The following DBT variants were observed in gnomAD, a reference collection of about 807,000 sequenced individuals.
DBT encodes the protein lipoamide acyltransferase component of branched-chain alpha-keto acid dehydrogenase complex, mitochondrial.
In DBT, 40 loss-of-function variants were observed where a neutral mutation model predicts 51.3. The ratio of observed to expected loss-of-function variants is 0.78; its 90% confidence interval spans 0.61 to 1.02. The LOEUF is 1.02. Among genes scored for constraint, DBT ranks in the 50% least tolerant of loss-of-function variants. The pLI is 0.00. For missense variants in DBT, 510 were observed against 580.2 expected (o/e 0.88, Z 1.24); for synonymous variants, 181 against 190.4 (o/e 0.95, Z 0.41).
intron 10 of DBT, among the ~76,000 whole-genome samples, chr1:100,201,260 C>T (rs1184575896): frequency 3.3e-5 from 5 of 151,752 alleles, no homozygotes; most frequent in Non-Finnish European, 5.9e-5. Context: ...GAAGCATACA[C>T]AAGTATCAAT....
chr1:100,219,716 T>C (rs1401584743), intron 4 of DBT, among the ~76,000 whole-genome samples: 1 of 151,892 alleles, frequency 6.6e-6, no homozygotes, highest in African/African-American at 2.4e-5. Flanking sequence ...GCCACGGCAC[T>C]CTAGGTTGGG....
chr1:100,202,621 T>C (rs962175903), intron 10 of DBT, among the ~76,000 whole-genome samples: 1 of 152,162 alleles, frequency 6.6e-6, no homozygotes, highest in African/African-American at 2.4e-5. Context: ...ATCAACAGAA[T>C]ATACATTCTT....
At chr1:100,217,954 T>A (rs1404027810) in intron 5 of DBT, among the ~76,000 whole-genome samples, 1 of 152,098 alleles carries the variant, frequency 6.6e-6, no homozygotes, top group East Asian at 1.9e-4. Context: ...ACTAGTTACT[T>A]AAACCCTCCA....
intron 10 of DBT, among the ~76,000 whole-genome samples, chr1:100,197,229 T>C (rs769178226): frequency 6.6e-6 from 1 of 152,230 alleles, no homozygotes; most frequent in Non-Finnish European, 1.5e-5. Context: ...ATGGCTGGGA[T>C]ACAACAGTCA....
rs1663542794 is a variant in DBT at position 100,231,246 on chromosome 1, T to C, written c.252-332A>G. On this transcript the variant is annotated intron_variant, in intron 3 of 10. Coordinates refer to ENST00000370132, the MANE Select transcript of DBT (RefSeq NM_001918.5). ...AGTGGTATTTCCTTCTATTGTCTTA[T>C]ATTACCCTTTTCCAAACTTTAAGGG... 5.9e-5 allele frequency among the ~76,000 whole-genome samples: 9 copies of C among 152,362 alleles called. No individual in the cohort carries two copies. The South Asian group carries it at 1.9e-3, about 32-fold the overall frequency.
intron 10 of DBT, among the ~76,000 whole-genome samples, chr1:100,203,909 T>C (rs915667321): frequency 6.6e-6 from 1 of 152,180 alleles, no homozygotes; most frequent in African/African-American, 2.4e-5. Context: ...CACCCCTTCA[T>C]GCTAAAAACA....
At chr1:100,249,667 TGCCCTG>T (rs1664798760) in intron 1 of DBT, 97 bp downstream of exon 1, 1 of 1,101,590 alleles carries the variant, frequency 9.1e-7, no homozygotes, top group Non-Finnish European at 1.4e-6. Context: ...CCATCACGCG[TGCCCTG>T]GACGCCTGGC....
chr1:100,218,613 T>A lies in DBT; in HGVS notation c.555+13A>T. ...CCTATACAATCTCAGACTTAAATAT[T>A]AAGAGAACTTACATTGTTTTCCATT... On this transcript the variant is annotated intron_variant, in intron 5 of 10. Coordinates refer to ENST00000370132, the MANE Select transcript of DBT (RefSeq NM_001918.5). 1 of 1,613,744 alleles carries A rather than the reference T, an allele frequency of 6.2e-7. No homozygotes were observed. Among genetic ancestry groups the A allele is most frequent in the African/African-American group, 1.3e-5 (1 of 75,020 alleles).
intron 2 of DBT, among the ~76,000 whole-genome samples, chr1:100,238,856 G>A (rs754712330): frequency 5.3e-5 from 8 of 152,176 alleles, no homozygotes; most frequent in Non-Finnish European, 1.0e-4. Flanking sequence ...TCAATGAGGT[G>A]AGAGTTGAAG....
intron 1 of DBT, among the ~76,000 whole-genome samples, chr1:100,248,101 CAAA>C (rs1003290152): frequency 4.0e-5 from 3 of 75,126 alleles, no homozygotes; most frequent in Admixed American, 1.5e-4. Flanking sequence ...GACTCCATTT[CAAA>C]AAAAAAAAAA....
intron 4 of DBT, among the ~76,000 whole-genome samples, chr1:100,227,275 A>C (rs1378867331): frequency 6.6e-6 from 1 of 152,222 alleles, no homozygotes; most frequent in East Asian, 1.9e-4. Flanking sequence ...ATACACTGAG[A>C]ATGCTGGAAA....
At chr1:100,228,057 C>A (rs1391647038) in intron 4 of DBT, among the ~76,000 whole-genome samples, 22 of 152,154 alleles carry the variant, frequency 1.4e-4, no homozygotes. Flanking sequence ...TGTTGGCCAG[C>A]CAGGCTGGTC....
At chr1:100,228,944 T>G (rs1419658789) in intron 4 of DBT, among the ~76,000 whole-genome samples, 1 of 152,180 alleles carries the variant, frequency 6.6e-6, no homozygotes, top group East Asian at 1.9e-4. Context: ...TTTGTGAACA[T>G]TAGGGTTTTT....
In DBT at chr1:100,235,287, T is replaced by C. The variant is rs1663802276; in HGVS notation, c.251+149A>G. 4 of 550,588 alleles carry C rather than the reference T, an allele frequency of 7.3e-6. No homozygotes were observed. The East Asian group carries it at 1.3e-4, about 18-fold the overall frequency. The allele number at this position is 550,588 out of a possible 1,614,324, so 34.1% of individuals were successfully genotyped here. ...ATCAACACAAGGTAATTCTACCTTATTGCTTTTAAAAATGCATTATGTGTT... is the reference window on the plus strand; with the variant it reads ...ATCAACACAAGGTAATTCTACCTTACTGCTTTTAAAAATGCATTATGTGTT... On this transcript the variant is annotated intron_variant, in intron 3 of 10. Coordinates refer to ENST00000370132, the MANE Select transcript of DBT (RefSeq NM_001918.5).
In DBT at chr1:100,244,058, T is replaced by C. The variant is rs186528156; in HGVS notation, c.52-3174A>G. Among the ~76,000 whole-genome samples, 13 of 115,616 alleles carry C rather than the reference T, an allele frequency of 1.1e-4. No individual in the cohort carries two copies. In the East Asian group the frequency reaches 3.5e-3, roughly 31 times the overall value. 75.8% of individuals were successfully genotyped at this position (115,616 alleles called of 152,430 possible). ...AGCCTAGGCAACAAGAGCAAAATTC[T>C]ATCTCAAAAAAAAAAAAAAAAAAAA... On this transcript the variant is annotated intron_variant, in intron 1 of 10. Coordinates refer to ENST00000370132, the MANE Select transcript of DBT (RefSeq NM_001918.5).
chr1:100,248,165 A>C (rs1181455917), intron 1 of DBT, among the ~76,000 whole-genome samples: 2 of 151,844 alleles, frequency 1.3e-5, no homozygotes, highest in Admixed American at 6.6e-5. Context: ...GCCATGTAAC[A>C]CAGTTCTGGC....
chr1:100,223,606 A>AC (rs1197514065), intron 4 of DBT, among the ~76,000 whole-genome samples: 1 of 152,168 alleles, frequency 6.6e-6, no homozygotes, highest in Non-Finnish European at 1.5e-5. Context: ...AGCTGGGACT[A>AC]CAGGTGTGCT....
At chr1:100,199,929 A>T (rs904926368) in intron 10 of DBT, among the ~76,000 whole-genome samples, 1 of 151,688 alleles carries the variant, frequency 6.6e-6, no homozygotes, top group African/African-American at 2.4e-5. Context: ...TCGGATGCCT[A>T]CTCCACAAGG....
In DBT at chr1:100,191,018, A is replaced by G. The variant is rs929425083; in HGVS notation, c.*5237T>C. On this transcript the variant is annotated 3_prime_UTR_variant, in exon 11 of 11. Coordinates refer to ENST00000370132, the MANE Select transcript of DBT (RefSeq NM_001918.5). ...GTATCTTCTTTTTCTCTTGATAAAT[A>G]TTCCTGTGGTAAGCCATGGAGTTCT... 5.3e-5 allele frequency: 8 copies of G among 152,222 alleles called. No homozygotes were observed. Among genetic ancestry groups the G allele is most frequent in the African/African-American group, 1.9e-4 (8 of 41,470 alleles). 9.4% of individuals were successfully genotyped at this position (152,222 alleles called of 1,614,324 possible).
Sources: allele counts gnomAD v4.1 joint callset (sites outside exome capture counted in the v4.1 genomes callset), GRCh38; gene constraint gnomAD v4.1.1; transcripts MANE v1.5; gene names NCBI Gene and HGNC (gene_info 2026-07-23, HGNC 2026-07-21).